HTRA1: variants seen among roughly 807,000 people sequenced by gnomAD.
HTRA1 encodes serine protease HTRA1.
Under a neutral mutation model 49.7 loss-of-function variants are expected in HTRA1, and 26 were observed. The ratio of observed to expected loss-of-function variants is 0.52; its 90% CI spans 0.38 to 0.73. The LOEUF (loss-of-function observed/expected upper bound fraction) is 0.73. Ranked by LOEUF, HTRA1 falls within the 30% of genes least tolerant of loss-of-function variation. The pLI is 0.00. For synonymous variants in HTRA1, 291 were observed against 286.9 expected, an observed-to-expected ratio of 1.01 and a Z score of -0.14; for missense variants, 561 against 667.2, an observed-to-expected ratio of 0.84 and a Z score of 1.75.
At chr10:122,499,138 A>T (rs1275312241) in intron 3 of HTRA1, among the ~76,000 whole-genome samples, 2 of 152,112 alleles carry the variant, frequency 1.3e-5, no homozygotes, top group African/African-American at 4.8e-5. Context: ...CCCGACACAG[A>T]AGCGGCAGTG....
At chr10:122,507,255 A>G in intron 4 of HTRA1, 115 bp from the exon 5 acceptor site, 2 of 844,938 alleles carry the variant, frequency 2.4e-6, no homozygotes, top group Admixed American at 1.8e-5. Context: ...TGAATCTCAG[A>G]GAAGAATCGT....
chr10:122,502,754 A>C (rs890389345), intron 3 of HTRA1, among the ~76,000 whole-genome samples: 1 of 152,152 alleles, frequency 6.6e-6, no homozygotes, highest in Non-Finnish European at 1.5e-5. Context: ...TCGTCCCCAA[A>C]GGTTTTGCAC....
At chr10:122,486,900 G>A (rs1448187399) in intron 1 of HTRA1, among the ~76,000 whole-genome samples, 2 of 151,988 alleles carry the variant, frequency 1.3e-5, no homozygotes, top group East Asian at 1.9e-4. Context: ...GTATGTGTGG[G>A]TGTGTTTATG....
At chr10:122,492,308 C>T (rs750376703) in intron 3 of HTRA1, among the ~76,000 whole-genome samples, 4 of 152,132 alleles carry the variant, frequency 2.6e-5, no homozygotes, top group Admixed American at 1.3e-4. Flanking sequence ...GAGGGGCCCC[C>T]GTTGTCCTTC....
chr10:122,494,639 C>G lies in HTRA1; in HGVS notation c.777+5013C>G, dbSNP rs1038500258. On this transcript the variant is annotated intron_variant, in intron 3 of 8. Transcript: ENST00000368984. The surrounding 1 kb of genome is among the most constrained non-coding windows in gnomAD (Gnocchi z 4.0). Reference sequence around the variant, plus strand: ...GTGGTTTTCCTCCCTCCCCTGTAGGCCTGCGCCACCCCCCCAACCCCACGG... The same window carrying G: ...GTGGTTTTCCTCCCTCCCCTGTAGGGCTGCGCCACCCCCCCAACCCCACGG... Among the ~76,000 whole-genome samples the G allele has an allele frequency of 2.6e-5, 4 of 152,212 alleles. No individual in the cohort carries two copies. The highest frequency in any genetic ancestry group is 7.2e-5 in the African/African-American group (3 of 41,542).
At chr10:122,504,365 G>GGT (rs943765000) in intron 3 of HTRA1, among the ~76,000 whole-genome samples, 10 of 152,202 alleles carry the variant, frequency 6.6e-5, no homozygotes, top group Admixed American at 2.6e-4. Flanking sequence ...GGCGCCAAGG[G>GGT]GTGGTAAGAA....
At position 122,462,082 on chromosome 10, in the gene HTRA1, C is replaced by T. The variant is rs779980320; in HGVS notation, c.430C>T (p.Arg144Trp). 5 of 1,535,272 alleles carry T rather than the reference C, an allele frequency of 3.3e-6. No homozygotes were observed. The highest frequency in any genetic ancestry group is 2.4e-5 in the South Asian group (2 of 84,010). Reference protein sequence around the residue: ...AASRRSERLHRPPVIVLQRGA... With the variant: ...AASRRSERLHWPPVIVLQRGA... ...CAGCCGCCGCTCCGAGAGGCTGCAC[C>T]GGCCGCCGGTCATCGTCCTGCAGCG... is the stretch of plus-strand genomic sequence containing the variant. Residue 144 changes from arginine (R) to tryptophan (W), a missense_variant, in exon 1 of 9, where the codon CGG becomes TGG. By Grantham distance (101) the Arg-to-Trp change is moderately radical. Coordinates refer to ENST00000368984, the MANE Select transcript of HTRA1 (RefSeq NM_002775.5).
At position 122,514,234 on chromosome 10, in the gene HTRA1, C is replaced by T; in HGVS notation, c.1318C>T (p.Gln440Ter). Residue 440 changes from glutamine (Q) to a stop codon, truncating the protein, a stop_gained, in exon 9 of 9, where the codon CAG (glutamine) becomes TAG (stop). Coordinates refer to ENST00000368984, the MANE Select transcript of HTRA1 (RefSeq NM_002775.5). LOFTEE classifies it high-confidence loss of function. Reference sequence around the variant, plus strand: ...CGACGTCATAATCAGCATCAATGGACAGTCCGTGGTCTCCGCCAATGATGT... The same window carrying T: ...CGACGTCATAATCAGCATCAATGGATAGTCCGTGGTCTCCGCCAATGATGT... ...ENDVIISINGQSVVSANDVSD... is the reference protein window; with the variant it reads ...ENDVIISING 1.2e-6 allele frequency: 2 copies of T among 1,614,048 alleles called. No homozygotes were observed. Among genetic ancestry groups the T allele is most frequent in the Middle Eastern group, 1.7e-4 (1 of 6,030 alleles).
chr10:122,514,575 A>C lies in HTRA1; in HGVS notation c.*216A>C. 1 of 583,184 alleles carries C rather than the reference A, an allele frequency of 1.7e-6. No homozygotes were observed. The highest frequency in any genetic ancestry group is 3.1e-6 in the Non-Finnish European group (1 of 322,934). 36.1% of individuals were successfully genotyped at this position (583,184 alleles called of 1,614,324 possible). On this transcript the variant is annotated 3_prime_UTR_variant, in exon 9 of 9. Transcript: ENST00000368984. ...GCAGGCAGAAGCTCTGCCCTTCTGT[A>C]TCCTATGTATGCAGTGTGCTTTTTC...
chr10:122,462,251 A>G, intron 1 of HTRA1, 127 bp downstream of exon 1: 1 of 835,606 alleles, frequency 1.2e-6, no homozygotes, highest in Non-Finnish European at 1.9e-6. Flanking sequence ...ACTCTCGGGG[A>G]CAGGCAGGTG....
chr10:122,502,086 G>C (rs2097501156), intron 3 of HTRA1, among the ~76,000 whole-genome samples: 1 of 148,364 alleles, frequency 6.7e-6, no homozygotes, highest in African/African-American at 2.5e-5. Flanking sequence ...TCTGGGCTGA[G>C]CTGCCCATGG....
chr10:122,492,455 T>G (rs2097496312), intron 3 of HTRA1, among the ~76,000 whole-genome samples: 1 of 152,188 alleles, frequency 6.6e-6, no homozygotes, highest in African/African-American at 2.4e-5. Context: ...TGCCTCAGCC[T>G]CCTGAGTGGC....
Position 122,494,110 on chromosome 10 carries a change from C to G in HTRA1, c.777+4484C>G, listed in dbSNP as rs2097497361. Among the ~76,000 whole-genome samples the G allele has an allele frequency of 6.6e-6, 1 of 152,200 alleles. No homozygotes were observed. The highest frequency in any genetic ancestry group is 2.4e-5 in the African/African-American group (1 of 41,446). On this transcript the variant is annotated intron_variant, in intron 3 of 8. Coordinates refer to ENST00000368984, the MANE Select transcript of HTRA1 (RefSeq NM_002775.5). This position sits in a 1 kb window ranked among gnomAD's most constrained non-coding sequence, Gnocchi z 4.0. ...GCCTCACTTTGGGGACACATCACCCCAGGGACAACTGCATTCCACTCTTGG... is the reference window on the plus strand; with the variant it reads ...GCCTCACTTTGGGGACACATCACCCGAGGGACAACTGCATTCCACTCTTGG...
chr10:122,499,375 G>A (rs1256725663), intron 3 of HTRA1, among the ~76,000 whole-genome samples: 1 of 152,202 alleles, frequency 6.6e-6, no homozygotes, highest in Non-Finnish European at 1.5e-5. Context: ...ACAGCATGTG[G>A]AAGAAAGGAA....
intron 8 of HTRA1, among the ~76,000 whole-genome samples, chr10:122,513,824 G>C (rs2097506706): frequency 6.6e-6 from 1 of 151,748 alleles, no homozygotes; most frequent in African/African-American, 2.4e-5. Flanking sequence ...CACCTCCTGG[G>C]TTCAAGTGAA....
rs2097481432 is a variant in HTRA1, at chr10:122,461,776, G to A, written c.124G>A (p.Glu42Lys). The A allele has an allele frequency of 2.9e-6, 3 of 1,051,948 alleles. No individual in the cohort carries two copies. In the East Asian group the frequency reaches 2.2e-4, roughly 78 times the overall value. The allele number at this position is 1,051,948 out of a possible 1,614,324, so 65.2% of individuals were successfully genotyped here. A position where few individuals can be genotyped will look rare whatever the true frequency, so the allele number is the denominator to read the frequency against. ...GGCCGCCGGGTGCCCAGACCGCTGC[G>A]AGCCGGCGCGCTGCCCGCCGCAGCC... ...PLAAGCPDRCEPARCPPQPEH... is the reference protein window; with the variant it reads ...PLAAGCPDRCKPARCPPQPEH... The change falls in exon 1 of 9, where the codon GAG (glutamate) becomes AAG (lysine). Residue 42 changes from glutamate (E) to lysine (K), a missense_variant. Physicochemically the swap from Glu to Lys is moderately conservative, Grantham distance 56. Transcript: ENST00000368984.
In HTRA1 at chr10:122,461,666, G is replaced by A. The variant is rs1279236117; in HGVS notation, c.14G>A (p.Arg5His). MQIP[R>H]AALLPLLLLL... ...GCCAGAGTCGCCATGCAGATCCCGCGCGCCGCTCTTCTCCCGCTGCTGCTG... is the reference window on the plus strand; with the variant it reads ...GCCAGAGTCGCCATGCAGATCCCGCACGCCGCTCTTCTCCCGCTGCTGCTG... The change falls in exon 1 of 9, where the codon CGC becomes CAC. Residue 5 changes from arginine (R) to histidine (H), a missense_variant. Physicochemically the swap from Arg to His is conservative, Grantham distance 29. Around this residue, in one of 3 missense-constraint regions of HTRA1, gnomAD observed 111 missense variants for 83.7 expected, o/e 1.33. Coordinates refer to ENST00000368984, the MANE Select transcript of HTRA1 (RefSeq NM_002775.5). 6.9e-6 allele frequency: 9 copies of A among 1,313,726 alleles called. No individual in the cohort carries two copies. Among genetic ancestry groups the A allele is most frequent in the Non-Finnish European group, 8.9e-6 (9 of 1,016,402 alleles). The allele number at this position is 1,313,726 out of a possible 1,614,324, so 81.4% of individuals were successfully genotyped here.
intron 1 of HTRA1, among the ~76,000 whole-genome samples, chr10:122,486,824 G>A (rs1241551926): frequency 6.6e-6 from 1 of 152,124 alleles, no homozygotes; most frequent in African/African-American, 2.4e-5. Flanking sequence ...GCACATCTGT[G>A]AGTATATGAA....
chr10:122,496,225 G>GTTTTT (rs1287521208), intron 3 of HTRA1, among the ~76,000 whole-genome samples: 1,530 of 80,366 alleles, frequency 0.019, 546 homozygotes, highest in Middle Eastern at 0.025. Flanking sequence ...GAGATTGTGG[G>GTTTTT]TTCTTTTTTT....
Sources: allele counts gnomAD v4.1 joint callset (sites outside exome capture counted in the v4.1 genomes callset), GRCh38; gene constraint gnomAD v4.1.1; regional missense constraint gnomAD v4.1.1; non-coding constraint Gnocchi (gnomAD v3.1); transcripts MANE v1.5; gene names NCBI Gene and HGNC (gene_info 2026-07-23, HGNC 2026-07-21).